Variants in RABL3 observed in about 807,000 individuals in gnomAD.
RABL3 encodes the protein rab-like protein 3.
In RABL3, 31 loss-of-function variants were observed where a neutral mutation model predicts 31.8. The ratio of observed to expected loss-of-function variants is 0.97; its 90% confidence interval spans 0.73 to 1.31. RABL3 has a LOEUF of 1.31. RABL3 is among the 40% of genes most tolerant of loss of function. The pLI, the probability that RABL3 is intolerant of heterozygous loss-of-function variation, is 0.00. For missense variants in RABL3, 263 were observed against 279.6 expected (o/e 0.94, Z 0.42); for synonymous variants, 97 against 99.9 (o/e 0.97, Z 0.18).
chr3:120,710,638 C>T (rs1275170031), intron 2 of RABL3: 2 of 152,208 alleles, frequency 1.3e-5, no homozygotes, highest in Non-Finnish European at 2.9e-5. Flanking sequence ...GAGATCCCAT[C>T]CCCACTTTCT....
At chr3:120,723,192 A>G (rs1261651911) in intron 2 of RABL3, among the ~76,000 whole-genome samples, 2 of 152,200 alleles carry the variant, frequency 1.3e-5, no homozygotes, top group African/African-American at 4.8e-5. Context: ...AAACTAGAAA[A>G]TCTAGAAGAA....
chr3:120,724,867 T>C (rs1366837913), intron 2 of RABL3, among the ~76,000 whole-genome samples: 15 of 152,068 alleles, frequency 9.9e-5, no homozygotes, highest in African/African-American at 3.1e-4. Context: ...ACCTAGGCAA[T>C]ACCATTCAGG....
intron 1 of RABL3, among the ~76,000 whole-genome samples, chr3:120,737,517 T>C (rs1179602924): frequency 6.6e-6 from 1 of 152,258 alleles, no homozygotes; most frequent in East Asian, 1.9e-4. Flanking sequence ...ACTTCTTCTC[T>C]CAACTTGTGA....
intron 2 of RABL3, among the ~76,000 whole-genome samples, chr3:120,728,363 A>AGTCTAAG (rs1708846239): frequency 3.3e-5 from 5 of 152,218 alleles, no homozygotes; most frequent in African/African-American, 1.2e-4. Context: ...TAAACTGATT[A>AGTCTAAG]GTCTAAGGTC....
At chr3:120,730,809 T>G in intron 1 of RABL3, 22 bp from the exon 2 acceptor site, 92 of 1,501,674 alleles carry the variant, frequency 6.1e-5, no homozygotes, top group Non-Finnish European at 8.1e-5. Flanking sequence ...ACAAGAACTC[T>G]AGTCACATAA....
intron 1 of RABL3, among the ~76,000 whole-genome samples, chr3:120,740,998 T>C (rs1709036287): frequency 6.6e-6 from 1 of 152,184 alleles, no homozygotes; most frequent in East Asian, 1.9e-4. Context: ...ACAGTGCCTG[T>C]TGGAAAGAAA....
chr3:120,725,691 G>A (rs906227661), intron 2 of RABL3, among the ~76,000 whole-genome samples: 3 of 152,024 alleles, frequency 2.0e-5, no homozygotes, highest in Non-Finnish European at 2.9e-5. Context: ...GCAAACTATC[G>A]CAAGGACAAA....
chr3:120,715,115 C>T (rs1212893048), intron 2 of RABL3, among the ~76,000 whole-genome samples: 2 of 152,196 alleles, frequency 1.3e-5, no homozygotes, highest in Non-Finnish European at 1.5e-5. Flanking sequence ...GACAGTCCAT[C>T]TAGCCACTTA....
At chr3:120,701,769 C>T (rs992716982) in intron 4 of RABL3, among the ~76,000 whole-genome samples, 1 of 152,120 alleles carries the variant, frequency 6.6e-6, no homozygotes, top group Non-Finnish European at 1.5e-5. Flanking sequence ...GAAAACAAAG[C>T]CTTTGAAAGA....
At chr3:120,711,120 T>C (rs962572835) in intron 2 of RABL3, among the ~76,000 whole-genome samples, 1 of 152,190 alleles carries the variant, frequency 6.6e-6, no homozygotes, top group Admixed American at 6.5e-5. Flanking sequence ...CATTGGCTAG[T>C]GCTTTTCAGC....
At chr3:120,700,600 T>C (rs1708482207) in intron 4 of RABL3, among the ~76,000 whole-genome samples, 1 of 152,084 alleles carries the variant, frequency 6.6e-6, no homozygotes, top group South Asian at 2.1e-4. Context: ...ATTAAAATAA[T>C]ATTTGGTTAT....
At chr3:120,741,647 C>T (rs1422498755) in intron 1 of RABL3, among the ~76,000 whole-genome samples, 1 of 152,034 alleles carries the variant, frequency 6.6e-6, no homozygotes, top group Non-Finnish European at 1.5e-5. Context: ...TCCCAGGTGT[C>T]AAAAGAATTC....
intron 2 of RABL3, among the ~76,000 whole-genome samples, chr3:120,715,252 A>G (rs1708654788): frequency 1.3e-5 from 2 of 152,154 alleles, no homozygotes; most frequent in Admixed American, 6.6e-5. Flanking sequence ...GAAATGCCCA[A>G]TACAGGCCAG....
rs1708546797 is a variant in RABL3, at chr3:120,706,191, T to C, written c.269-77A>G. ...TCACAATTGGCCAAATGAAGCTTAG[T>C]AAACAGAAGCATTAGGTTGCTTAAT... On this transcript the variant is annotated intron_variant, in intron 3 of 7. Coordinates refer to ENST00000273375, the MANE Select transcript of RABL3 (RefSeq NM_173825.5). The C allele has an allele frequency of 3.4e-6, 3 of 886,610 alleles. No homozygotes were observed. The Admixed American group carries it at 5.8e-5, about 17-fold the overall frequency. 54.9% of individuals were successfully genotyped at this position (886,610 alleles called of 1,614,324 possible). A position where few individuals can be genotyped will look rare whatever the true frequency, so the allele number is the denominator to read the frequency against.
At chr3:120,742,345 G>A in intron 1 of RABL3, 117 bp downstream of exon 1, 1 of 948,032 alleles carries the variant, frequency 1.1e-6, no homozygotes, top group South Asian at 1.4e-5. Flanking sequence ...TTCAGGCCCT[G>A]GGAGGGACTT....
upstream of RABL3, chr3:120,742,613 A>T (rs1709062301): frequency 4.4e-6 from 5 of 1,134,218 alleles, no homozygotes; most frequent in Non-Finnish European, 5.3e-6. Context: ...TCGGAGCGTG[A>T]CTGTCTTGAT....
At chr3:120,726,979 C>G (rs1559821610) in intron 2 of RABL3, among the ~76,000 whole-genome samples, 1 of 151,508 alleles carries the variant, frequency 6.6e-6, no homozygotes, top group Non-Finnish European at 1.5e-5. Flanking sequence ...GGAAACTAGA[C>G]AATAGTTTGA....
chr3:120,688,285 G>C lies in RABL3; in HGVS notation c.*1538C>G, dbSNP rs928671878. On this transcript the variant is annotated 3_prime_UTR_variant, in exon 8 of 8. Coordinates refer to ENST00000273375, the MANE Select transcript of RABL3 (RefSeq NM_173825.5). ...GTACAGCCTATGCAACAACATACTT[G>C]TGACCAATTCTACATACAGATCATG... The C allele has an allele frequency of 6.6e-6, 1 of 152,532 alleles. No homozygotes were observed. The highest frequency in any genetic ancestry group is 2.4e-5 in the African/African-American group (1 of 41,402). 9.4% of individuals were successfully genotyped at this position (152,532 alleles called of 1,614,324 possible). A position where few individuals can be genotyped will look rare whatever the true frequency, so the allele number is the denominator to read the frequency against.
intron 5 of RABL3, among the ~76,000 whole-genome samples, chr3:120,694,961 G>GTTT (rs11405676): frequency 2.3e-5 from 3 of 133,050 alleles, no homozygotes; most frequent in South Asian, 2.4e-4. Context: ...CAGTCTAGCT[G>GTTT]TTTTTTTTTT....
Sources: gnomAD v4.1 joint callset for allele counts (sites outside exome capture counted in the v4.1 genomes callset) on GRCh38, gnomAD v4.1.1 for gene constraint, MANE v1.5 for transcripts, NCBI Gene and HGNC (gene_info 2026-07-23, HGNC 2026-07-21) for gene names.